Variants in CACUL1 observed in about 807,000 individuals in gnomAD.
CACUL1 encodes the protein CDK2-associated and cullin domain-containing protein 1.
A neutral mutation model predicts 45.2 loss-of-function variants in CACUL1; 13 were observed. That is an observed-to-expected ratio of 0.29 (90% CI 0.19 to 0.46). The LOEUF is 0.46. CACUL1 is among the 20% of genes least tolerant of loss of function. CACUL1 has a pLI of 1.00. For missense variants in CACUL1, 421 were observed against 471.4 expected, an observed-to-expected ratio of 0.89 and a Z score of 0.99; for synonymous variants, 197 against 174.2, an observed-to-expected ratio of 1.13 and a Z score of -1.03.
intron 1 of CACUL1, among the ~76,000 whole-genome samples, chr10:118,750,516 A>G (rs1564840840): frequency 6.6e-6 from 1 of 152,186 alleles, no homozygotes; most frequent in Non-Finnish European, 1.5e-5. Flanking sequence ...GGCACCTACC[A>G]TGTATCCATC....
intron 8 of CACUL1, 23 bp downstream of exon 8, chr10:118,686,575 T>A: frequency 6.3e-7 from 1 of 1,586,964 alleles, no homozygotes; most frequent in Non-Finnish European, 8.7e-7. Flanking sequence ...ACCATCAAGA[T>A]GGGAAGGAAC....
intron 3 of CACUL1, among the ~76,000 whole-genome samples, chr10:118,720,566 C>T (rs977859301): frequency 6.6e-6 from 1 of 152,122 alleles, no homozygotes; most frequent in African/African-American, 2.4e-5. Flanking sequence ...ATGCAAACAG[C>T]TATTATTTAT....
Position 118,682,523 on chromosome 10 carries a change from C to T in CACUL1, c.*3605G>A, listed in dbSNP as rs1845163317. 6.6e-6 allele frequency: 1 copy of T among 152,662 alleles called. No individual in the cohort carries two copies. Among genetic ancestry groups the T allele is most frequent in the Admixed American group, 6.5e-5 (1 of 15,286 alleles). 9.5% of individuals were successfully genotyped at this position (152,662 alleles called of 1,614,324 possible). Reference sequence around the variant, plus strand: ...ACTATAATACAAGTGCTCCTGCTCACTTCTAACTGCAGAAACCAATTTTGT... The same window carrying T: ...ACTATAATACAAGTGCTCCTGCTCATTTCTAACTGCAGAAACCAATTTTGT... On this transcript the variant is annotated 3_prime_UTR_variant, in exon 9 of 9. Coordinates refer to ENST00000369151, the MANE Select transcript of CACUL1 (RefSeq NM_153810.5).
At chr10:118,699,806 C>T (rs891018183) in intron 5 of CACUL1, among the ~76,000 whole-genome samples, 5 of 152,044 alleles carry the variant, frequency 3.3e-5, no homozygotes, top group Admixed American at 2.6e-4. Flanking sequence ...CCACCATGCC[C>T]GGCTAATTTT....
At chr10:118,698,146 T>G (rs1365690343) in intron 5 of CACUL1, among the ~76,000 whole-genome samples, 2 of 151,372 alleles carry the variant, frequency 1.3e-5, no homozygotes, top group African/African-American at 2.4e-5. Flanking sequence ...AAACCTCTTT[T>G]GCTTTTTTTT....
chr10:118,719,943 T>C (rs1284167685), intron 3 of CACUL1, among the ~76,000 whole-genome samples: 2 of 152,226 alleles, frequency 1.3e-5, no homozygotes, highest in Admixed American at 6.5e-5. Context: ...GTAACTGATC[T>C]TCAGGAGCTA....
At chr10:118,743,260 A>T (rs1033679479) in intron 1 of CACUL1, among the ~76,000 whole-genome samples, 5 of 152,208 alleles carry the variant, frequency 3.3e-5, no homozygotes, top group African/African-American at 1.2e-4. Flanking sequence ...CAAGTGTTAT[A>T]ACATATGTGT....
chr10:118,730,878 T>C (rs11598125), intron 1 of CACUL1, among the ~76,000 whole-genome samples: 87,811 of 152,028 alleles, frequency 0.58, 26,784 homozygotes, highest in Middle Eastern at 0.7. Context: ...CTATGAGGAT[T>C]AAGGTCCAAA....
rs572692319 is a variant in CACUL1 at position 118,679,968 on chromosome 10, T to C, written c.*6160A>G. 1.3e-5 allele frequency: 2 copies of C among 152,260 alleles called. No individual in the cohort carries two copies. Among genetic ancestry groups the C allele is most frequent in the South Asian group, 4.1e-4 (2 of 4,824 alleles). 9.4% of individuals were successfully genotyped at this position (152,260 alleles called of 1,614,324 possible). A position where few individuals can be genotyped will look rare whatever the true frequency, so the allele number is the denominator to read the frequency against. On this transcript the variant is annotated 3_prime_UTR_variant, in exon 9 of 9. Coordinates refer to ENST00000369151, the MANE Select transcript of CACUL1 (RefSeq NM_153810.5). The stretch of plus-strand genomic sequence containing the variant: ...TTTCTTTACATATTTTGAGGTATAC[T>C]ATTAGACATGTAGGTACATTACTAG...
chr10:118,723,908 G>A (rs1384263586), intron 3 of CACUL1, among the ~76,000 whole-genome samples: 1 of 151,228 alleles, frequency 6.6e-6, no homozygotes, highest in Non-Finnish European at 1.5e-5. Flanking sequence ...GAGATTATAG[G>A]CGCCCACCAC....
At position 118,682,313 on chromosome 10, in the gene CACUL1, G is replaced by A. The variant is rs1845160720; in HGVS notation, c.*3815C>T. On this transcript the variant is annotated 3_prime_UTR_variant, in exon 9 of 9. Transcript: ENST00000369151. ...AAAACAATGCTCAGTTATTTTAATA[G>A]CTGCTTATGAAACAATAACAGTTTA... The A allele has an allele frequency of 6.6e-6, 1 of 152,148 alleles. No homozygotes were observed. Among genetic ancestry groups the A allele is most frequent in the Non-Finnish European group, 1.5e-5 (1 of 68,034 alleles). The allele number at this position is 152,148 out of a possible 1,614,324, so 9.4% of individuals were successfully genotyped here.
chr10:118,727,071 T>C (rs73423974), intron 3 of CACUL1, among the ~76,000 whole-genome samples: 5,964 of 152,188 alleles, frequency 0.039, 370 homozygotes, highest in African/African-American at 0.13. Flanking sequence ...CCTGGTTTTA[T>C]ATCATATATC....
At chr10:118,709,212 C>T (rs1466356345) in intron 3 of CACUL1, among the ~76,000 whole-genome samples, 4 of 152,228 alleles carry the variant, frequency 2.6e-5, no homozygotes, top group South Asian at 2.1e-4. Context: ...TTATCTCCAA[C>T]AGTGGGAAAA....
rs115671629 is a variant in CACUL1, at chr10:118,718,258, G to C, written c.598-10671C>G. On this transcript the variant is annotated intron_variant, in intron 3 of 8. Coordinates refer to ENST00000369151, the MANE Select transcript of CACUL1 (RefSeq NM_153810.5). ...ATATACTGCTGCTGATGGAAGCACA[G>C]GAAACTTGCTTACTCCCAAGGTTCC... is the stretch of plus-strand genomic sequence containing the variant. Among the ~76,000 whole-genome samples, 832 of 152,266 alleles carry C rather than the reference G, an allele frequency of 5.5e-3. 11 individuals carry two copies. Among genetic ancestry groups the C allele is most frequent in the African/African-American group, 0.019 (794 of 41,532 alleles).
intron 1 of CACUL1, among the ~76,000 whole-genome samples, chr10:118,730,861 G>A (rs1359940590): frequency 6.6e-6 from 1 of 152,148 alleles, no homozygotes; most frequent in Non-Finnish European, 1.5e-5. Flanking sequence ...TGTGCCTAAG[G>A]ACAGGACTAT....
At chr10:118,746,313 A>G (rs1845842817) in intron 1 of CACUL1, among the ~76,000 whole-genome samples, 1 of 152,362 alleles carries the variant, frequency 6.6e-6, no homozygotes, top group Non-Finnish European at 1.5e-5. Context: ...CCACACATAC[A>G]TGGTCAGTTA....
At chr10:118,739,433 T>C (rs1328689822) in intron 1 of CACUL1, among the ~76,000 whole-genome samples, 2 of 152,128 alleles carry the variant, frequency 1.3e-5, no homozygotes, top group African/African-American at 4.8e-5. Context: ...AAAAAACGAA[T>C]GGCACCTGAC....
intron 5 of CACUL1, among the ~76,000 whole-genome samples, chr10:118,697,671 C>T (rs147180252): frequency 1.2e-3 from 190 of 152,318 alleles, no homozygotes; most frequent in African/African-American, 4.3e-3. Flanking sequence ...TTTCAAACTA[C>T]AATGGTTTGA....
intron 3 of CACUL1, chr10:118,729,074 C>G (rs1845676205): frequency 2.2e-6 from 1 of 457,964 alleles, no homozygotes; most frequent in South Asian, 2.8e-5. Context: ...CAGTTAAGGT[C>G]TGAAATATAT....
Sources: gnomAD v4.1 joint callset for allele counts (sites outside exome capture counted in the v4.1 genomes callset) on GRCh38, gnomAD v4.1.1 for gene constraint, MANE v1.5 for transcripts, NCBI Gene and HGNC (gene_info 2026-07-23, HGNC 2026-07-21) for gene names.